The following CAPZB variants were observed in gnomAD, a reference collection of about 807,000 sequenced individuals.
CAPZB encodes F-actin-capping protein subunit beta.
CAPZB carries 2 observed loss-of-function variants against 38.1 expected under a neutral mutation model. The observed-to-expected ratio is 0.05, with a 90% CI of 0.02 to 0.17. The LOEUF (loss-of-function observed/expected upper bound fraction) is 0.17, where lower values mean the gene tolerates loss of function less well. Among genes scored for constraint, CAPZB ranks in the 10% least tolerant of loss-of-function variants. CAPZB has a pLI of 1.00. For missense variants in CAPZB, 161 were observed against 334.2 expected (o/e 0.48, Z 4.04); for synonymous variants, 107 against 127.4 (o/e 0.84, Z 1.08).
chr1:19,434,950 ATAAT>A (rs2094453416), intron 1 of CAPZB, among the ~76,000 whole-genome samples: 1 of 15,476 alleles, frequency 6.5e-5, no homozygotes, highest in Non-Finnish European at 2.4e-4. Context: ...AAGGGGCCTG[ATAAT>A]CAAGTCAGTC....
intron 1 of CAPZB, among the ~76,000 whole-genome samples, chr1:19,483,186 T>TA (rs953367459): frequency 3.3e-5 from 5 of 151,390 alleles, no homozygotes; most frequent in African/African-American, 1.2e-4. Flanking sequence ...ACAAAGGATC[T>TA]AAAATACAAT....
At chr1:19,429,323 G>C (rs1197322612) in intron 1 of CAPZB, among the ~76,000 whole-genome samples, 1 of 151,952 alleles carries the variant, frequency 6.6e-6, no homozygotes, top group African/African-American at 2.4e-5. Flanking sequence ...AATAAATCAG[G>C]TTGATAACTT....
chr1:19,366,256 G>C (rs1013412815), intron 4 of CAPZB, among the ~76,000 whole-genome samples: 3 of 143,460 alleles, frequency 2.1e-5, no homozygotes, highest in Non-Finnish European at 4.5e-5. Context: ...AGACCAGCCT[G>C]GGCAACATAG....
intron 1 of CAPZB, among the ~76,000 whole-genome samples, chr1:19,477,001 GC>G (rs1429836081): frequency 6.6e-6 from 1 of 152,240 alleles, no homozygotes; most frequent in Non-Finnish European, 1.5e-5. Context: ...GGGCCCTTCA[GC>G]AAGTTACTAC....
intron 1 of CAPZB, among the ~76,000 whole-genome samples, chr1:19,431,548 C>T (rs1000522934): frequency 6.6e-6 from 1 of 151,206 alleles, no homozygotes; most frequent in Admixed American, 6.6e-5. Flanking sequence ...GGTGAAACCC[C>T]GTCTCTACTA....
chr1:19,419,118 A>T (rs751297729), intron 2 of CAPZB, among the ~76,000 whole-genome samples: 2 of 152,258 alleles, frequency 1.3e-5, no homozygotes, highest in Admixed American at 6.5e-5. Flanking sequence ...TCTTGAGACC[A>T]ATCATTCTGA....
intron 8 of CAPZB, among the ~76,000 whole-genome samples, chr1:19,340,296 C>T (rs2093920886): frequency 6.6e-6 from 1 of 152,168 alleles, no homozygotes; most frequent in Non-Finnish European, 1.5e-5. Flanking sequence ...TTAACTTGGC[C>T]CAGAAAACCC....
At position 19,356,568 on chromosome 1, in the gene CAPZB, T is replaced by A. The variant is rs2100314628; in HGVS notation, c.588+67A>T. ...TAAATGGGGCACCTGCTCACTCATCTCTGCAGGTCAGCACTGAGGCCAGCA... is the reference window on the plus strand; with the variant it reads ...TAAATGGGGCACCTGCTCACTCATCACTGCAGGTCAGCACTGAGGCCAGCA... On this transcript the variant is annotated intron_variant, in intron 6 of 8. Transcript: ENST00000264202. This position sits in a 1 kb window ranked among gnomAD's most constrained non-coding sequence, Gnocchi z 4.3. 1 of 1,006,384 alleles carries A rather than the reference T, an allele frequency of 9.9e-7. No individual in the cohort carries two copies. The allele number at this position is 1,006,384 out of a possible 1,614,324, so 62.3% of individuals were successfully genotyped here. A position where few individuals can be genotyped will look rare whatever the true frequency, so the allele number is the denominator to read the frequency against.
intron 6 of CAPZB, among the ~76,000 whole-genome samples, chr1:19,346,840 T>G (rs1484633793): frequency 8.6e-6 from 1 of 116,366 alleles, no homozygotes; most frequent in Admixed American, 8.7e-5. Flanking sequence ...TTTTTTTTTT[T>G]GAGACGGAGT....
intron 2 of CAPZB, among the ~76,000 whole-genome samples, chr1:19,387,883 T>C (rs982848454): frequency 6.6e-6 from 1 of 152,232 alleles, no homozygotes; most frequent in African/African-American, 2.4e-5. Flanking sequence ...GCACGTATGT[T>C]ACTGCCTGAC....
intron 6 of CAPZB, among the ~76,000 whole-genome samples, chr1:19,352,113 C>T (rs1012363515): frequency 6.6e-6 from 1 of 152,252 alleles, no homozygotes; most frequent in Non-Finnish European, 1.5e-5. Flanking sequence ...CCAAGCTGGG[C>T]CCGGCCCACC....
At chr1:19,345,457 A>T (rs1179419712) in intron 6 of CAPZB, among the ~76,000 whole-genome samples, 3 of 152,250 alleles carry the variant, frequency 2.0e-5, no homozygotes, top group Non-Finnish European at 2.9e-5. Context: ...CAGAGGGCAG[A>T]AGCCCAGAGT....
chr1:19,468,900 A>G (rs1017959798), intron 1 of CAPZB, among the ~76,000 whole-genome samples: 1 of 152,018 alleles, frequency 6.6e-6, no homozygotes, highest in African/African-American at 2.4e-5. Context: ...CGTGCCTTGA[A>G]TCTCTCAGCG....
chr1:19,378,410 T>C (rs2094154345), intron 4 of CAPZB, 130 bp downstream of exon 4: 2 of 650,728 alleles, frequency 3.1e-6, no homozygotes, highest in South Asian at 3.5e-5. Flanking sequence ...CAAGGGAGAA[T>C]GCTTGGCCGG....
At chr1:19,428,483 G>A (rs2094431391) in intron 1 of CAPZB, among the ~76,000 whole-genome samples, 2 of 151,836 alleles carry the variant, frequency 1.3e-5, no homozygotes, top group Admixed American at 6.6e-5. Context: ...GCTATGTTAA[G>A]GTCATTTGGA....
chr1:19,454,269 C>T (rs1005410415), intron 1 of CAPZB, among the ~76,000 whole-genome samples: 61 of 152,322 alleles, frequency 4.0e-4, no homozygotes, highest in African/African-American at 1.4e-3. Context: ...CACAGGTAGG[C>T]TAAGGCAGTC....
chr1:19,348,623 G>T (rs947185548), intron 6 of CAPZB, among the ~76,000 whole-genome samples: 3 of 152,038 alleles, frequency 2.0e-5, no homozygotes, highest in Non-Finnish European at 4.4e-5. Context: ...AGGGGGGACC[G>T]AGCAGTGAGA....
chr1:19,365,549 G>A (rs371900884), intron 4 of CAPZB, among the ~76,000 whole-genome samples: 1 of 152,138 alleles, frequency 6.6e-6, no homozygotes, highest in African/African-American at 2.4e-5. Context: ...ATGGAAACCA[G>A]GCCGGGCATG....
chr1:19,438,342 C>T (rs2094464818), intron 1 of CAPZB, among the ~76,000 whole-genome samples: 1 of 152,056 alleles, frequency 6.6e-6, no homozygotes, highest in African/African-American at 2.4e-5. Context: ...TAGCGTACTT[C>T]GATAATGCCT....
Sources: gnomAD v4.1 joint callset for allele counts (sites outside exome capture counted in the v4.1 genomes callset) on GRCh38, gnomAD v4.1.1 for gene constraint, Gnocchi (gnomAD v3.1) non-coding constraint, MANE v1.5 for transcripts, NCBI Gene and HGNC (gene_info 2026-07-23, HGNC 2026-07-21) for gene names.